Variants in CEACAM18 observed in about 807,000 individuals in gnomAD.
CEACAM18 encodes cell adhesion molecule CEACAM18.
A neutral mutation model predicts 34.3 loss-of-function variants in CEACAM18; 33 were observed. The ratio of observed to expected loss-of-function variants is 0.96; its 90% CI spans 0.73 to 1.29. The LOEUF (loss-of-function observed/expected upper bound fraction) is 1.29, where lower values mean the gene tolerates loss of function less well. Ranked by LOEUF, CEACAM18 falls within the 50% of genes most tolerant of loss-of-function variation. CEACAM18 has a pLI of 0.00. For synonymous variants in CEACAM18, 169 were observed against 180.9 expected, an observed-to-expected ratio of 0.93 and a Z score of 0.53; for missense variants, 474 against 485.0, an observed-to-expected ratio of 0.98 and a Z score of 0.21.
In CEACAM18 at chr19:51,486,339, C is replaced by T. The variant is rs541866521; in HGVS notation, c.1089+1217C>T. On this transcript the variant is annotated intron_variant, in intron 5 of 5. Coordinates refer to ENST00000396477, the Ensembl canonical transcript of CEACAM18. Reference sequence around the variant, plus strand: ...GTGATGATTATGATGAAGCACAATGCCTATATTTTTCTGTGAGCTCTGGGG... The same window carrying T: ...GTGATGATTATGATGAAGCACAATGTCTATATTTTTCTGTGAGCTCTGGGG... Among the ~76,000 whole-genome samples the T allele has an allele frequency of 3.9e-5, 6 of 152,210 alleles. No homozygotes were observed. The East Asian group carries it at 1.2e-3, about 29-fold the overall frequency.
downstream of CEACAM18, chr19:51,491,211 A>ATTTTT (rs55774114): frequency 3.7e-3 from 555 of 149,192 alleles, 4 homozygotes; most frequent in African/African-American, 0.013. Flanking sequence ...CAAATATTTA[A>ATTTTT]TTTTTTTTTT....
At chr19:51,479,444 G>A (rs1187049551) in intron 1 of CEACAM18, among the ~76,000 whole-genome samples, 1 of 152,216 alleles carries the variant, frequency 6.6e-6, no homozygotes, top group African/African-American at 2.4e-5. Flanking sequence ...AACTCCCCCT[G>A]TGTCCAGCCT....
chr19:51,486,357 C>T (rs1791822402), intron 5 of CEACAM18, among the ~76,000 whole-genome samples: 1 of 152,134 alleles, frequency 6.6e-6, no homozygotes, highest in African/African-American at 2.4e-5. Flanking sequence ...TTTCTGTGAG[C>T]TCTGGGGTGA....
chr19:51,483,303 C>A lies in CEACAM18; in HGVS notation c.953+7C>A. ...GGATCCAGGCCCCCCATGAGTGCAG[C>A]AGCTCCCCTCCAGGCTCATGCTTTG... On this transcript the variant is annotated splice_region_variant and intron_variant, in intron 4 of 5. Coordinates refer to ENST00000396477, the Ensembl canonical transcript of CEACAM18. 13 of 1,613,656 alleles carry A rather than the reference C, an allele frequency of 8.1e-6. No individual in the cohort carries two copies. Among genetic ancestry groups the A allele is most frequent in the African/African-American group, 1.3e-5 (1 of 75,026 alleles).
chr19:51,486,111 A>T (rs1989995124), intron 5 of CEACAM18, among the ~76,000 whole-genome samples: 1 of 152,054 alleles, frequency 6.6e-6, no homozygotes, highest in Non-Finnish European at 1.5e-5. Context: ...GATGGTGATG[A>T]TGGTGATGAT....
At chr19:51,489,654 G>T (rs1286525939) in intron 5 of CEACAM18, among the ~76,000 whole-genome samples, 1 of 152,140 alleles carries the variant, frequency 6.6e-6, no homozygotes, top group African/African-American at 2.4e-5. Context: ...CGACCATACA[G>T]TGAGATAGCA....
intron 4 of CEACAM18, among the ~76,000 whole-genome samples, chr19:51,484,447 G>A (rs111748930): frequency 0.036 from 5,514 of 152,096 alleles, 154 homozygotes; most frequent in Non-Finnish European, 0.05. Context: ...TGAGTAGCTG[G>A]GATTACAGGC....
chr19:51,491,024 C>T (rs540600096), downstream of CEACAM18: 204 of 170,704 alleles, frequency 1.2e-3, 1 homozygote, highest in African/African-American at 4.7e-3. Context: ...CCAAGGGGTG[C>T]CAATCAGTGG....
chr19:51,478,792 G>C, intron 1 of CEACAM18, 98 bp downstream of exon 1: 3 of 860,616 alleles, frequency 3.5e-6, no homozygotes, highest in South Asian at 3.1e-5. Flanking sequence ...CCCCATCCAC[G>C]GGCACATCAA....
chr19:51,490,132 A>T (rs1331353064), intron 5 of CEACAM18, among the ~76,000 whole-genome samples: 2 of 151,744 alleles, frequency 1.3e-5, no homozygotes, highest in African/African-American at 4.8e-5. Context: ...AAGTAACATC[A>T]CCTCTCTGGA....
At chr19:51,479,786 G>A (rs1989876796) in intron 1 of CEACAM18, among the ~76,000 whole-genome samples, 1 of 152,202 alleles carries the variant, frequency 6.6e-6, no homozygotes, top group African/African-American at 2.4e-5. Context: ...AAGGTGTGGT[G>A]CACCAAGAGA....
At chr19:51,490,324 C>T (rs1990069940) in intron 5 of CEACAM18, among the ~76,000 whole-genome samples, 1 of 152,130 alleles carries the variant, frequency 6.6e-6, no homozygotes, top group Admixed American at 6.5e-5. Flanking sequence ...CCCACTCCTT[C>T]CTCAGCTTCA....
At chr19:51,485,919 A>C (rs1172412708) in intron 5 of CEACAM18, among the ~76,000 whole-genome samples, 1 of 152,212 alleles carries the variant, frequency 6.6e-6, no homozygotes, top group Non-Finnish European at 1.5e-5. Flanking sequence ...GACACTATGA[A>C]GATCACATGG....
exon 2 of CEACAM18, chr19:51,480,536 C>T (rs1454788387): frequency 1.4e-5 from 23 of 1,613,856 alleles, no homozygotes; most frequent in Non-Finnish European, 1.9e-5. Flanking sequence ...GCAGCCTGGG[C>T]CCATGTACAC....
intron 5 of CEACAM18, among the ~76,000 whole-genome samples, chr19:51,485,895 C>G (rs1041235277): frequency 3.3e-5 from 5 of 152,250 alleles, no homozygotes; most frequent in South Asian, 2.1e-4. Context: ...TTCAGAAAAC[C>G]AAAAATGTCT....
intron 1 of CEACAM18, among the ~76,000 whole-genome samples, chr19:51,480,006 G>A (rs1989881735): frequency 1.3e-5 from 2 of 152,318 alleles, no homozygotes; most frequent in African/African-American, 4.8e-5. Context: ...GCACTGGGGA[G>A]CCATGGAAGG....
chr19:51,481,325 TGGAGAGGAGCAGAGCTTGG>T (rs141391162), intron 2 of CEACAM18, 49 bp from the exon 3 acceptor site: 276,125 of 1,549,534 alleles, frequency 0.18, 25,248 homozygotes, highest in Middle Eastern at 0.25. Context: ...AGAAGTCCCC[TGGAGAGGAGCAGAGCTTGG>T]GGAAGCAGAC....
At chr19:51,481,494 T>C in exon 3 of CEACAM18, 1 of 1,613,864 alleles carries the variant, frequency 6.2e-7, no homozygotes, top group Non-Finnish European at 8.5e-7. Flanking sequence ...CAACATCACG[T>C]GGTATGTGAA....
At chr19:51,488,083 T>A (rs1820525316) in intron 5 of CEACAM18, among the ~76,000 whole-genome samples, 1 of 151,960 alleles carries the variant, frequency 6.6e-6, no homozygotes, top group Non-Finnish European at 1.5e-5. Context: ...CAACCACTAG[T>A]CCCTCCTCTG....
Sources: allele counts gnomAD v4.1 joint callset (sites outside exome capture counted in the v4.1 genomes callset), GRCh38; gene constraint gnomAD v4.1.1; transcripts MANE v1.5; gene names NCBI Gene and HGNC (gene_info 2026-07-23, HGNC 2026-07-21).